Variants in DDX55 observed in about 807,000 individuals in gnomAD.
DDX55 encodes ATP-dependent RNA helicase DDX55.
In DDX55, 56 loss-of-function variants were observed where a neutral mutation model predicts 69.2. The observed-to-expected ratio is 0.81, with a 90% CI of 0.65 to 1.01. DDX55 has a LOEUF of 1.01. DDX55 is among the 50% of genes least tolerant of loss of function. The pLI, the probability that DDX55 is intolerant of heterozygous loss-of-function variation, is 0.00. For synonymous variants in DDX55, 268 were observed against 273.1 expected (o/e 0.98, Z 0.18); for missense variants, 720 against 745.1 (o/e 0.97, Z 0.39).
rs1302844458 is a variant in DDX55 at position 123,612,668 on chromosome 12, G to T, written c.742-502G>T. On this transcript the variant is annotated intron_variant, in intron 7 of 13. Coordinates refer to ENST00000238146, the MANE Select transcript of DDX55 (RefSeq NM_020936.3). The stretch of plus-strand genomic sequence containing the variant: ...ATCAGAATCTGTATGTCGTACCCAA[G>T]AATCTGCATTTAAAAAAAAAAAATC... 2.0e-5 allele frequency among the ~76,000 whole-genome samples: 3 copies of T among 149,120 alleles called. No homozygotes were observed. The South Asian group carries it at 6.3e-4, about 31-fold the overall frequency.
At position 123,608,805 on chromosome 12, in the gene DDX55, T is replaced by C. The variant is rs772389709; in HGVS notation, c.527T>C (p.Leu176Pro). Residue 176 changes from leucine to proline, a missense_variant, in exon 6 of 14, where the codon CTT becomes CCT. Transcript: ENST00000238146. ...CTGGTGTTGGATGAGGCAGACAGAC[T>C]TCTGGACATGGGGTTTGAGGCAAGG... ...DVLVLDEADR[L>P]LDMGFEASIN... 3 of 1,614,136 alleles carry C rather than the reference T, an allele frequency of 1.9e-6. No homozygotes were observed. Among genetic ancestry groups the C allele is most frequent in the Non-Finnish European group, 2.5e-6 (3 of 1,179,980 alleles).
rs4047521 is a variant in DDX55, at chr12:123,606,058, ACTCT to A, written c.160-12_160-9del. On this transcript the variant is annotated splice_polypyrimidine_tract_variant and intron_variant, in intron 2 of 13. Coordinates refer to ENST00000238146, the MANE Select transcript of DDX55 (RefSeq NM_020936.3). ...CTCTGAGGAAGAAAGGGAAACCAAAACTCTCTGTTTGCAGGTCACAGGTAGTGGC... is the reference window on the plus strand; with the variant it reads ...CTCTGAGGAAGAAAGGGAAACCAAAACTGTTTGCAGGTCACAGGTAGTGGC... 4 of 1,613,772 alleles carry A rather than the reference ACTCT, an allele frequency of 2.5e-6. No homozygotes were observed. The highest frequency in any genetic ancestry group is 1.7e-5 in the Admixed American group (1 of 59,976).
In DDX55 at chr12:123,619,719, G is replaced by T; in HGVS notation, c.1621G>T (p.Glu541Ter). 6.4e-7 allele frequency: 1 copy of T among 1,570,232 alleles called. No individual in the cohort carries two copies. The highest frequency in any genetic ancestry group is 8.6e-7 in the Non-Finnish European group (1 of 1,169,418). Residue 541 changes from glutamate to a stop codon, truncating the protein, a stop_gained, in exon 13 of 14, where the codon GAA becomes TAA. Coordinates refer to ENST00000238146, the MANE Select transcript of DDX55 (RefSeq NM_020936.3). LOFTEE classifies it high-confidence loss of function. ...AAAAATGAATGAGAAAAGGAAAAGG[G>T]AAGAGGTAAAGTTTACTTTTACTTA... ...KKKMNEKRKR[E>*]EGSDIEDEDM... is the part of the protein sequence containing the mutation.
At position 123,620,094 on chromosome 12, in the gene DDX55, T is replaced by C; in HGVS notation, c.1757T>C (p.Ile586Thr). 2 of 1,614,052 alleles carry C rather than the reference T, an allele frequency of 1.2e-6. No homozygotes were observed. Among genetic ancestry groups the C allele is most frequent in the African/African-American group, 2.7e-5 (2 of 75,022 alleles). ...KGLLTTGKRTIKTVDLGISDL... is the reference protein window; with the variant it reads ...KGLLTTGKRTTKTVDLGISDL... ...TTGTTGACAACTGGCAAAAGAACAATCAAGACAGTGGATTTAGGGATCTCA... is the reference window on the plus strand; with the variant it reads ...TTGTTGACAACTGGCAAAAGAACAACCAAGACAGTGGATTTAGGGATCTCA... The change falls in exon 14 of 14, where the codon ATC (isoleucine) becomes ACC (threonine). Residue 586 changes from isoleucine (I) to threonine (T), a missense_variant. Ile to Thr is a moderately conservative substitution (Grantham distance 89). Coordinates refer to ENST00000238146, the MANE Select transcript of DDX55 (RefSeq NM_020936.3).
intron 12 of DDX55, 104 bp downstream of exon 12, chr12:123,618,941 T>C: frequency 6.6e-7 from 1 of 1,507,496 alleles, no homozygotes; most frequent in South Asian, 1.3e-5. Context: ...TCCCAGGTTT[T>C]GAGTAGACAC....
At chr12:123,610,253 A>G in intron 7 of DDX55, 125 bp downstream of exon 7, 1 of 1,274,248 alleles carries the variant, frequency 7.8e-7, no homozygotes, top group African/African-American at 1.5e-5. Flanking sequence ...GGACAGAGCT[A>G]GCTAGGGCAA....
intron 9 of DDX55, among the ~76,000 whole-genome samples, chr12:123,615,915 G>C (rs1182387820): frequency 6.6e-6 from 1 of 152,212 alleles, no homozygotes; most frequent in African/African-American, 2.4e-5. Context: ...CCAGGAGGCG[G>C]AGCTTGCAGT....
At chr12:123,614,020 ATTTCT>A (rs1168685621) in intron 8 of DDX55, among the ~76,000 whole-genome samples, 8 of 151,996 alleles carry the variant, frequency 5.3e-5, no homozygotes, top group East Asian at 3.9e-4. Context: ...TATATTTATA[ATTTCT>A]TTTCTATCTG....
At chr12:123,617,163 T>C (rs1954738702) in intron 10 of DDX55, among the ~76,000 whole-genome samples, 1 of 152,164 alleles carries the variant, frequency 6.6e-6, no homozygotes, top group Non-Finnish European at 1.5e-5. Flanking sequence ...ACCCGTTGTT[T>C]TAAGTAGCAA....
intron 1 of DDX55, among the ~76,000 whole-genome samples, chr12:123,603,898 G>C (rs1286516112): frequency 2.0e-5 from 3 of 152,112 alleles, no homozygotes; most frequent in African/African-American, 7.2e-5. Context: ...TGCCTCCCGG[G>C]TTCAAGCTAT....
intron 9 of DDX55, among the ~76,000 whole-genome samples, chr12:123,615,576 G>T (rs1296909047): frequency 6.6e-6 from 1 of 152,162 alleles, no homozygotes; most frequent in Non-Finnish European, 1.5e-5. Flanking sequence ...CGTGACACAG[G>T]AGTCCTGTGT....
intron 6 of DDX55, among the ~76,000 whole-genome samples, chr12:123,609,539 T>C (rs972046155): frequency 2.6e-5 from 4 of 151,948 alleles, no homozygotes; most frequent in African/African-American, 9.7e-5. Flanking sequence ...TCATGCTTTT[T>C]TTTTTTAATT....
chr12:123,605,875 C>T (rs1212342278), intron 1 of DDX55, 56 bp from the exon 2 acceptor site: 1 of 1,612,226 alleles, frequency 6.2e-7, no homozygotes, highest in Non-Finnish European at 8.5e-7. Flanking sequence ...GGCTTCGGGT[C>T]TCACCTGTGA....
chr12:123,614,088 A>G (rs1314548769), intron 8 of DDX55, among the ~76,000 whole-genome samples: 1 of 152,234 alleles, frequency 6.6e-6, no homozygotes, highest in African/African-American at 2.4e-5. Context: ...AAGAAGTACA[A>G]TTTGGTACAC....
In DDX55 at chr12:123,611,428, A is replaced by G. The variant is rs532947766; in HGVS notation, c.741+1300A>G. Among the ~76,000 whole-genome samples, 493 of 152,348 alleles carry G rather than the reference A, an allele frequency of 3.2e-3. 1 individual carries two copies. The highest frequency in any genetic ancestry group is 0.011 in the African/African-American group (459 of 41,586). On this transcript the variant is annotated intron_variant, in intron 7 of 13. Transcript: ENST00000238146. Reference sequence around the variant, plus strand: ...GAGGAGGCACCCACAGGCCAGTGCCACTGCTGACGGTACACTGGCCCACCA... The same window carrying G: ...GAGGAGGCACCCACAGGCCAGTGCCGCTGCTGACGGTACACTGGCCCACCA...
chr12:123,618,731 C>T lies in DDX55; in HGVS notation c.1227C>T (p.Ser409=). 6.2e-7 allele frequency: 1 copy of T among 1,614,152 alleles called. No individual in the cohort carries two copies. Among genetic ancestry groups the T allele is most frequent in the South Asian group, 1.1e-5 (1 of 91,080 alleles). ...CGGACCTTCTGCCAAAACTCAAGTCCATGGCCCTGGCTGACAGAGCTGTGT... is the reference window on the plus strand; with the variant it reads ...CGGACCTTCTGCCAAAACTCAAGTCTATGGCCCTGGCTGACAGAGCTGTGT... ...NTADLLPKLK[S]MALADRAVFE... Residue 409 remains serine, a synonymous_variant, in exon 12 of 14, where the codon TCC becomes TCT. Coordinates refer to ENST00000238146, the MANE Select transcript of DDX55 (RefSeq NM_020936.3).
chr12:123,602,104 A>C lies in DDX55; in HGVS notation c.-45A>C. 1 of 1,500,160 alleles carries C rather than the reference A, an allele frequency of 6.7e-7. No individual in the cohort carries two copies. 92.9% of individuals were successfully genotyped at this position (1,500,160 alleles called of 1,614,324 possible). The stretch of plus-strand genomic sequence containing the variant: ...CGGAAGTGCTCGTTGGGGGTGCACA[A>C]GGCGCGTTCGAGCAGCGGCGACCGA... On this transcript the variant is annotated 5_prime_UTR_variant, in exon 1 of 14. Coordinates refer to ENST00000238146, the MANE Select transcript of DDX55 (RefSeq NM_020936.3).
intron 13 of DDX55, 31 bp from the exon 14 acceptor site, chr12:123,619,931 ATT>A (rs769409537): frequency 6.3e-7 from 1 of 1,590,144 alleles, no homozygotes; most frequent in Non-Finnish European, 8.5e-7. Flanking sequence ...TTGCTGAAAA[ATT>A]TAGTAGTTTA....
rs1314615345 is a variant in DDX55 at position 123,613,094 on chromosome 12, T to A, written c.742-76T>A. 3 of 1,490,114 alleles carry A rather than the reference T, an allele frequency of 2.0e-6. No individual in the cohort carries two copies. In the East Asian group the frequency reaches 6.8e-5, roughly 34 times the overall value. The allele number at this position is 1,490,114 out of a possible 1,614,324, so 92.3% of individuals were successfully genotyped here. A position where few individuals can be genotyped will look rare whatever the true frequency, so the allele number is the denominator to read the frequency against. On this transcript the variant is annotated intron_variant, in intron 7 of 13. Coordinates refer to ENST00000238146, the MANE Select transcript of DDX55 (RefSeq NM_020936.3). ...GGAAATGACATTCCTTAAAATTTAA[T>A]GCTGAAACTGAAAATAGCCATGGGG...
Sources: gnomAD v4.1 joint callset for allele counts (sites outside exome capture counted in the v4.1 genomes callset) on GRCh38, gnomAD v4.1.1 for gene constraint, MANE v1.5 for transcripts, NCBI Gene and HGNC (gene_info 2026-07-23, HGNC 2026-07-21) for gene names.